Variants in ANO2 observed in about 807,000 individuals in gnomAD.
ANO2 encodes the protein anoctamin-2.
ANO2 carries 101 observed loss-of-function variants against 124.2 expected under a neutral mutation model. The observed-to-expected ratio is 0.81, with a 90% CI of 0.69 to 0.96. The LOEUF (loss-of-function observed/expected upper bound fraction) is 0.96. ANO2 is among the 40% of genes least tolerant of loss of function. ANO2 has a pLI of 0.00. For synonymous variants in ANO2, 486 were observed against 482.5 expected, an observed-to-expected ratio of 1.01 and a Z score of -0.09; for missense variants, 1,293 against 1,274.5, an observed-to-expected ratio of 1.01 and a Z score of -0.22.
intron 10 of ANO2, among the ~76,000 whole-genome samples, chr12:5,772,164 T>A (rs1243469383): frequency 6.6e-6 from 1 of 151,656 alleles, no homozygotes; most frequent in East Asian, 1.9e-4. Context: ...CAAAAAAAAA[T>A]GACATGAAAG....
chr12:5,870,659 C>G (rs1274089317), intron 3 of ANO2, among the ~76,000 whole-genome samples: 2 of 152,262 alleles, frequency 1.3e-5, no homozygotes, highest in East Asian at 3.8e-4. Context: ...CTAAATAGAA[C>G]TGCATCTTTT....
intron 3 of ANO2, among the ~76,000 whole-genome samples, chr12:5,914,195 A>G (rs569943283): frequency 2.1e-4 from 17 of 81,878 alleles, no homozygotes; most frequent in South Asian, 8.8e-4. Flanking sequence ...GTGAGACTCC[A>G]TCTCAAAAAA....
intron 1 of ANO2, among the ~76,000 whole-genome samples, chr12:5,927,183 G>C (rs1942118994): frequency 6.6e-6 from 1 of 152,156 alleles, no homozygotes; most frequent in African/African-American, 2.4e-5. Context: ...AGAAGCACTG[G>C]CTGTCTGTCC....
chr12:5,816,602 C>G (rs1591650767), intron 7 of ANO2, among the ~76,000 whole-genome samples: 2 of 152,252 alleles, frequency 1.3e-5, no homozygotes, highest in East Asian at 3.9e-4. Context: ...TACCCAAGTT[C>G]TAGACTCATT....
chr12:5,777,149 A>T (rs1952256657), intron 10 of ANO2, among the ~76,000 whole-genome samples: 2 of 152,234 alleles, frequency 1.3e-5, no homozygotes, highest in Admixed American at 1.3e-4. Context: ...GAGGAAATTT[A>T]AAAGCCACTT....
rs1942026671 is a variant in ANO2 at position 5,925,229 on chromosome 12, G to C, written c.23-2425C>G. ...TTCAGATTTGCACCTGTGGCTCAGA[G>C]TAGCTCAGATTCAAGGGCAATGCAA... On this transcript the variant is annotated intron_variant, in intron 1 of 24. Coordinates refer to ENST00000682330, the MANE Select transcript of ANO2 (RefSeq NM_001364791.2). This position sits in a 1 kb window ranked among gnomAD's most constrained non-coding sequence, Gnocchi z 4.6. Among the ~76,000 whole-genome samples, 1 of 152,240 alleles carries C rather than the reference G, an allele frequency of 6.6e-6. No individual in the cohort carries two copies. The highest frequency in any genetic ancestry group is 6.5e-5 in the Admixed American group (1 of 15,290).
intron 1 of ANO2, among the ~76,000 whole-genome samples, chr12:5,941,823 G>A (rs773427642): frequency 4.2e-4 from 64 of 152,132 alleles, no homozygotes; most frequent in Non-Finnish European, 8.2e-4. Context: ...CTAGCTTCTC[G>A]TCAAAACAAT....
At chr12:5,796,429 C>T (rs1274425023) in intron 10 of ANO2, among the ~76,000 whole-genome samples, 1 of 151,710 alleles carries the variant, frequency 6.6e-6, no homozygotes, top group Non-Finnish European at 1.5e-5. Context: ...TACTCTTACA[C>T]TCACACACAT....
chr12:5,698,513 G>T (rs1021982517), intron 14 of ANO2, among the ~76,000 whole-genome samples: 6 of 152,232 alleles, frequency 3.9e-5, no homozygotes, highest in African/African-American at 1.4e-4. Flanking sequence ...GACCAGAAAA[G>T]CTGAAAATTC....
At chr12:5,615,586 G>T (rs1944763090) in intron 16 of ANO2, among the ~76,000 whole-genome samples, 1 of 152,036 alleles carries the variant, frequency 6.6e-6, no homozygotes, top group Non-Finnish European at 1.5e-5. Flanking sequence ...CTCAAAGAGG[G>T]CCATGAGCAT....
At chr12:5,681,332 T>C (rs757114524) in intron 14 of ANO2, among the ~76,000 whole-genome samples, 7 of 152,180 alleles carry the variant, frequency 4.6e-5, no homozygotes, top group Non-Finnish European at 1.0e-4. Context: ...CCTCTACCAC[T>C]CACATTTTTT....
chr12:5,755,126 A>AT (rs1164294974), intron 10 of ANO2, among the ~76,000 whole-genome samples: 1 of 151,722 alleles, frequency 6.6e-6, no homozygotes, highest in Non-Finnish European at 1.5e-5. Context: ...GTCTTGAGAT[A>AT]TTTTCTAATT....
At chr12:5,726,475 C>G (rs1950444964) in intron 14 of ANO2, among the ~76,000 whole-genome samples, 1 of 152,196 alleles carries the variant, frequency 6.6e-6, no homozygotes, top group African/African-American at 2.4e-5. Context: ...GGAAAACTTT[C>G]AGCAGACACA....
intron 20 of ANO2, 66 bp from the exon 21 acceptor site, chr12:5,578,584 C>A: frequency 2.6e-6 from 4 of 1,513,762 alleles, no homozygotes; most frequent in Non-Finnish European, 3.6e-6. Flanking sequence ...TTCTGGCTTG[C>A]AGCTACAGCC....
intron 19 of ANO2, among the ~76,000 whole-genome samples, chr12:5,602,856 G>A (rs1944010492): frequency 1.3e-5 from 2 of 152,200 alleles, no homozygotes; most frequent in Admixed American, 1.3e-4. Context: ...CTTGACACTA[G>A]AAGACTCTGC....
intron 20 of ANO2, among the ~76,000 whole-genome samples, chr12:5,592,984 G>A (rs910087390): frequency 6.6e-6 from 1 of 152,170 alleles, no homozygotes; most frequent in Non-Finnish European, 1.5e-5. Context: ...TCCTTGACAC[G>A]GTGATTTCTA....
intron 10 of ANO2, among the ~76,000 whole-genome samples, chr12:5,757,994 T>C (rs1452627968): frequency 2.0e-5 from 3 of 152,066 alleles, no homozygotes; most frequent in African/African-American, 7.2e-5. Context: ...ATGGGTAAGG[T>C]AAGAGACCAA....
chr12:5,630,879 G>C (rs1480917077), intron 16 of ANO2, among the ~76,000 whole-genome samples: 1 of 152,098 alleles, frequency 6.6e-6, no homozygotes, highest in African/African-American at 2.4e-5. Context: ...TCATAATTAG[G>C]CCGATTCTAG....
intron 14 of ANO2, among the ~76,000 whole-genome samples, chr12:5,727,596 G>T: frequency 6.8e-6 from 1 of 146,976 alleles, no homozygotes. Flanking sequence ...TTTCTCCTAT[G>T]GTCAAAAACA....
Sources: gnomAD v4.1 joint callset for allele counts (sites outside exome capture counted in the v4.1 genomes callset) on GRCh38, gnomAD v4.1.1 for gene constraint, Gnocchi (gnomAD v3.1) non-coding constraint, MANE v1.5 for transcripts, NCBI Gene and HGNC (gene_info 2026-07-23, HGNC 2026-07-21) for gene names.